Variants in AP1S3 observed in about 807,000 individuals in gnomAD.
The protein encoded by AP1S3 is adaptor related protein complex 1 subunit sigma 3.
In AP1S3, 10 loss-of-function variants were observed where a neutral mutation model predicts 20.9. The observed-to-expected ratio is 0.48, with a 90% CI of 0.29 to 0.81. AP1S3 has a LOEUF of 0.81. Among genes scored for constraint, AP1S3 ranks in the 30% least tolerant of loss-of-function variants. The pLI is 0.08. For synonymous variants in AP1S3, 41 were observed against 61.5 expected, an observed-to-expected ratio of 0.67 and a Z score of 1.56; for missense variants, 154 against 183.8, an observed-to-expected ratio of 0.84 and a Z score of 0.94.
chr2:223,834,260 G>A (rs932781484), intron 1 of AP1S3, among the ~76,000 whole-genome samples: 2 of 152,088 alleles, frequency 1.3e-5, no homozygotes, highest in Admixed American at 6.5e-5. Context: ...AAAATAATAC[G>A]ACTTGGGCAA....
chr2:223,788,762 T>TAAAA (rs778744960), intron 1 of AP1S3, among the ~76,000 whole-genome samples: 1 of 110,144 alleles, frequency 9.1e-6, no homozygotes, highest in Non-Finnish European at 1.9e-5. Flanking sequence ...AGACTCTGTC[T>TAAAA]AAAAAAAAAA....
intron 1 of AP1S3, among the ~76,000 whole-genome samples, chr2:223,788,465 T>A (rs1354199515): frequency 6.8e-6 from 1 of 146,944 alleles, no homozygotes; most frequent in Non-Finnish European, 1.5e-5. Context: ...CTACAAAAAT[T>A]AGCTGGGGCT....
At chr2:223,783,447 G>C (rs1054503398) in intron 1 of AP1S3, among the ~76,000 whole-genome samples, 3 of 152,196 alleles carry the variant, frequency 2.0e-5, no homozygotes, top group African/African-American at 7.2e-5. Context: ...AGCAATCCTT[G>C]GTCTAATTGG....
rs139515565 is a variant in AP1S3, at chr2:223,825,965, G to A, written c.3+11483C>T. ...CTGGGACCAGAGGTTGCAGTGAGCC[G>A]AGATTGTGCCACTGCACTCCAGCCT... is the stretch of plus-strand genomic sequence containing the variant. On this transcript the variant is annotated intron_variant, in intron 1 of 4. Coordinates refer to ENST00000396654, the MANE Select transcript of AP1S3 (RefSeq NM_001039569.2). 6.0e-3 allele frequency among the ~76,000 whole-genome samples: 920 copies of A among 152,262 alleles called. 10 individuals are homozygous for A. The highest frequency in any genetic ancestry group is 0.021 in the African/African-American group (864 of 41,548).
chr2:223,786,526 G>A (rs1338867854), intron 1 of AP1S3, among the ~76,000 whole-genome samples: 1 of 151,992 alleles, frequency 6.6e-6, no homozygotes, highest in African/African-American at 2.4e-5. Context: ...AGCTGAGACA[G>A]GAAGATTGCT....
intron 3 of AP1S3, 122 bp downstream of exon 3, chr2:223,775,779 C>T (rs1446522137): frequency 1.7e-5 from 12 of 726,470 alleles, no homozygotes; most frequent in East Asian, 2.7e-5. Context: ...AGGTGATCTT[C>T]GGTTCAAGTT....
Position 223,757,905 on chromosome 2 carries a change from T to C in AP1S3, c.*810A>G, listed in dbSNP as rs750399049. 1.0e-6 allele frequency: 1 copy of C among 978,132 alleles called. No homozygotes were observed. 60.6% of individuals were successfully genotyped at this position (978,132 alleles called of 1,614,324 possible). ...GAATTTTAAAAAATAGTAGCAATAA[T>C]TATTATTGCTATTAATTCTTATCAT... On this transcript the variant is annotated 3_prime_UTR_variant, in exon 5 of 5. Transcript: ENST00000396654.
At chr2:223,810,915 T>C (rs1261284261) in intron 1 of AP1S3, among the ~76,000 whole-genome samples, 1 of 152,172 alleles carries the variant, frequency 6.6e-6, no homozygotes, top group East Asian at 1.9e-4. Context: ...CATCTTTTTA[T>C]TATGGTTTAA....
intron 3 of AP1S3, among the ~76,000 whole-genome samples, chr2:223,774,165 G>A (rs661813): frequency 0.037 from 5,563 of 152,252 alleles, 162 homozygotes; most frequent in East Asian, 0.16. Context: ...AGGAGTTCAA[G>A]ACTAGCCTGG....
chr2:223,765,126 C>T, intron 4 of AP1S3, 87 bp downstream of exon 4: 1 of 1,536,226 alleles, frequency 6.5e-7, no homozygotes, highest in Middle Eastern at 1.7e-4. Context: ...AGTAAGTACT[C>T]AGTAAGTCTG....
At position 223,781,214 on chromosome 2, in the gene AP1S3, C is replaced by G. The variant is rs574072938; in HGVS notation, c.4-3345G>C. Among the ~76,000 whole-genome samples, 5 of 152,086 alleles carry G rather than the reference C, an allele frequency of 3.3e-5. No homozygotes were observed. The South Asian group carries it at 1.0e-3, about 32-fold the overall frequency. ...CCATTGATGGGCACGGAGGTTGATT[C>G]CATGTCTTTCTATTCACTTTCTATT... On this transcript the variant is annotated intron_variant, in intron 1 of 4. Coordinates refer to ENST00000396654, the MANE Select transcript of AP1S3 (RefSeq NM_001039569.2).
chr2:223,760,719 AG>A (rs1690333583), intron 4 of AP1S3, among the ~76,000 whole-genome samples: 1 of 152,260 alleles, frequency 6.6e-6, no homozygotes, highest in Non-Finnish European at 1.5e-5. Flanking sequence ...ACTTAGAATG[AG>A]AAAAGAAACG....
chr2:223,796,820 C>T (rs1165047584), intron 1 of AP1S3, among the ~76,000 whole-genome samples: 12 of 152,260 alleles, frequency 7.9e-5, no homozygotes, highest in Non-Finnish European at 1.0e-4. Context: ...CCCGCCACTG[C>T]GCCCAGCTAA....
At chr2:223,764,816 A>G (rs1162297472) in intron 4 of AP1S3, among the ~76,000 whole-genome samples, 1 of 152,220 alleles carries the variant, frequency 6.6e-6, no homozygotes, top group East Asian at 1.9e-4. Context: ...AAAGAATAGC[A>G]CTAAGTATTT....
At chr2:223,804,817 C>T (rs369100345) in intron 1 of AP1S3, among the ~76,000 whole-genome samples, 40 of 152,042 alleles carry the variant, frequency 2.6e-4, no homozygotes, top group African/African-American at 9.4e-4. Context: ...GTAAAATCTG[C>T]AAATTATGTT....
chr2:223,807,817 T>C (rs1389591502), intron 1 of AP1S3, among the ~76,000 whole-genome samples: 1 of 150,544 alleles, frequency 6.6e-6, no homozygotes, highest in Non-Finnish European at 1.5e-5. Context: ...TATGAGCCAA[T>C]TGAGCCTCTT....
chr2:223,759,752 G>A (rs1690307377), intron 4 of AP1S3, among the ~76,000 whole-genome samples: 1 of 152,068 alleles, frequency 6.6e-6, no homozygotes, highest in South Asian at 2.1e-4. Context: ...CATTTTTCCT[G>A]ATCCTCTCCC....
chr2:223,769,470 T>G (rs1427628031), intron 3 of AP1S3, among the ~76,000 whole-genome samples: 2 of 152,226 alleles, frequency 1.3e-5, no homozygotes, highest in Admixed American at 6.5e-5. Flanking sequence ...AGATATGCAC[T>G]GGCCCTTTCC....
intron 1 of AP1S3, among the ~76,000 whole-genome samples, chr2:223,824,325 A>C (rs977683885): frequency 1.3e-5 from 2 of 151,968 alleles, no homozygotes; most frequent in African/African-American, 4.8e-5. Context: ...TTAAAGATAC[A>C]CAAAAATATC....
Sources: allele counts gnomAD v4.1 joint callset (sites outside exome capture counted in the v4.1 genomes callset), GRCh38; gene constraint gnomAD v4.1.1; transcripts MANE v1.5; gene names NCBI Gene and HGNC (gene_info 2026-07-23, HGNC 2026-07-21).